ATXN1: variants seen among roughly 807,000 people sequenced by gnomAD.
ATXN1 encodes ataxin-1.
Under a neutral mutation model 56.4 loss-of-function variants are expected in ATXN1, and 8 were observed. The ratio of observed to expected loss-of-function variants is 0.14; its 90% CI spans 0.08 to 0.26. The LOEUF is 0.26. ATXN1 is among the 10% of genes least tolerant of loss of function. The probability of loss-of-function intolerance (pLI) is 1.00; values close to 1 mark genes in which losing one functional copy is unlikely to be tolerated. For synonymous variants in ATXN1, 514 were observed against 494.6 expected, an observed-to-expected ratio of 1.04 and a Z score of -0.52; for missense variants, 987 against 1,106.5, an observed-to-expected ratio of 0.89 and a Z score of 1.53.
chr6:16,347,926 A>AT (rs1311992429), intron 6 of ATXN1, among the ~76,000 whole-genome samples: 1 of 152,104 alleles, frequency 6.6e-6, no homozygotes, highest in African/African-American at 2.4e-5. Context: ...CACTCTTTGG[A>AT]TCTATACTGC....
At chr6:16,428,497 C>A (rs2113577105) in intron 6 of ATXN1, among the ~76,000 whole-genome samples, 2 of 145,816 alleles carry the variant, frequency 1.4e-5, no homozygotes, top group African/African-American at 2.5e-5. Context: ...ATGGCAAAAT[C>A]ACAATTACTT....
chr6:16,392,211 T>C lies in ATXN1; in HGVS notation c.-160-63741A>G, dbSNP rs114234613. Reference sequence around the variant, plus strand: ...AGATGGCTGCTGTCAGGCTGTTTAATTTGGAGGAAATTCCAATGTCATCAG... The same window carrying C: ...AGATGGCTGCTGTCAGGCTGTTTAACTTGGAGGAAATTCCAATGTCATCAG... On this transcript the variant is annotated intron_variant, in intron 6 of 7. Coordinates refer to ENST00000436367, the MANE Select transcript of ATXN1 (RefSeq NM_001128164.2). 3.5e-3 allele frequency among the ~76,000 whole-genome samples: 532 copies of C among 152,328 alleles called. 1 individual carries two copies. The highest frequency in any genetic ancestry group is 0.024 in the Middle Eastern group (7 of 294).
intron 2 of ATXN1, among the ~76,000 whole-genome samples, chr6:16,723,793 A>T (rs1581395065): frequency 1.3e-5 from 1 of 78,890 alleles, no homozygotes; most frequent in Admixed American, 1.2e-4. Flanking sequence ...AAAAGCCATT[A>T]AAAAAATAGC....
chr6:16,353,443 G>A (rs1198349322), intron 6 of ATXN1, among the ~76,000 whole-genome samples: 2 of 152,170 alleles, frequency 1.3e-5, no homozygotes, highest in Admixed American at 6.5e-5. Context: ...GGGAGGCTGA[G>A]GTGGGCGGAT....
intron 6 of ATXN1, among the ~76,000 whole-genome samples, chr6:16,404,697 C>T (rs551708063): frequency 7.6e-6 from 1 of 131,984 alleles, no homozygotes; most frequent in Non-Finnish European, 1.5e-5. Context: ...CGCGCACTCG[C>T]GCGCGCGCAC....
chr6:16,628,339 A>T (rs982205295), intron 3 of ATXN1, among the ~76,000 whole-genome samples: 5 of 152,172 alleles, frequency 3.3e-5, no homozygotes, highest in Admixed American at 6.5e-5. Flanking sequence ...TGCCCTCATC[A>T]AAATCCCCGT....
At chr6:16,379,065 G>T (rs1031858093) in intron 6 of ATXN1, among the ~76,000 whole-genome samples, 2 of 152,188 alleles carry the variant, frequency 1.3e-5, no homozygotes, top group Non-Finnish European at 2.9e-5. Context: ...ATATATGATG[G>T]AATACTACTC....
chr6:16,637,240 G>T (rs1024054403), intron 3 of ATXN1, among the ~76,000 whole-genome samples: 1 of 151,074 alleles, frequency 6.6e-6, no homozygotes, highest in Admixed American at 6.6e-5. Context: ...GCAAATTATC[G>T]CAAGGACAAA....
chr6:16,327,737 C>T lies in ATXN1; in HGVS notation c.574G>A (p.Gly192Arg). The change falls in exon 7 of 8, where the codon GGA (glycine) becomes AGA (arginine). Residue 192 changes from glycine to arginine, a missense_variant. Gly to Arg is a moderately radical substitution (Grantham distance 125). Coordinates refer to ENST00000436367, the MANE Select transcript of ATXN1 (RefSeq NM_001128164.2). ...TGCTGCTGCTGCTCAGCCTTGTGTC[C>T]CGGCGTCTGGCTCAGACTGCCCATG... ...ANMGSLSQTP[G>R]HKAEQQQQQQ... 1.9e-6 allele frequency: 3 copies of T among 1,598,394 alleles called. No homozygotes were observed. Among genetic ancestry groups the T allele is most frequent in the Non-Finnish European group, 1.7e-6 (2 of 1,174,710 alleles).
intron 6 of ATXN1, among the ~76,000 whole-genome samples, chr6:16,346,910 C>T (rs1045715967): frequency 2.0e-4 from 30 of 152,346 alleles, no homozygotes; most frequent in African/African-American, 7.0e-4. Flanking sequence ...ACCCGGGCTG[C>T]GCGCGTTGCT....
intron 5 of ATXN1, among the ~76,000 whole-genome samples, chr6:16,491,258 A>AATGATTATTATT (rs1554110284): frequency 1.1e-4 from 12 of 107,458 alleles, no homozygotes; most frequent in Non-Finnish European, 2.0e-4. Flanking sequence ...ACACCTGGCT[A>AATGATTATTATT]ATTATTATTA....
chr6:16,647,907 C>G (rs899157894), intron 3 of ATXN1, among the ~76,000 whole-genome samples: 8 of 152,066 alleles, frequency 5.3e-5, no homozygotes, highest in African/African-American at 1.9e-4. Flanking sequence ...GAGACCCCCT[C>G]TCTACTAAAA....
At chr6:16,508,575 C>T (rs1761022761) in intron 5 of ATXN1, among the ~76,000 whole-genome samples, 1 of 152,210 alleles carries the variant, frequency 6.6e-6, no homozygotes, top group African/African-American at 2.4e-5. Context: ...AACCTCCAAC[C>T]TATTAGGATG....
rs184592553 is a variant in ATXN1, at chr6:16,566,703, A to C, written c.-361+19077T>G. Among the ~76,000 whole-genome samples, 778 of 152,160 alleles carry C rather than the reference A, an allele frequency of 5.1e-3. 6 individuals carry two copies. Among genetic ancestry groups the C allele is most frequent in the South Asian group, 0.021 (102 of 4,814 alleles). Reference sequence around the variant, plus strand: ...CCCGTCTCTACTAAAAATACAAAAAAAAATTAGCCGGGCATGGTGGTGGGT... The same window carrying C: ...CCCGTCTCTACTAAAAATACAAAAACAAATTAGCCGGGCATGGTGGTGGGT... On this transcript the variant is annotated intron_variant, in intron 4 of 7. Coordinates refer to ENST00000436367, the MANE Select transcript of ATXN1 (RefSeq NM_001128164.2).
chr6:16,395,270 C>CAAAAAAAAAAAAAAAAAAA (rs748314030), intron 6 of ATXN1, among the ~76,000 whole-genome samples: 41 of 48,408 alleles, frequency 8.5e-4, no homozygotes, highest in African/African-American at 1.3e-3. Context: ...AACTCCGTCT[C>CAAAAAAAAAAAAAAAAAAA]AAAAAAAAAA....
intron 3 of ATXN1, among the ~76,000 whole-genome samples, chr6:16,610,752 A>G (rs1763089976): frequency 6.6e-6 from 1 of 152,068 alleles, no homozygotes; most frequent in Non-Finnish European, 1.5e-5. Context: ...GGCCCAGCAC[A>G]GGGGCTCATC....
At chr6:16,348,337 T>C (rs1205944230) in intron 6 of ATXN1, among the ~76,000 whole-genome samples, 2 of 152,172 alleles carry the variant, frequency 1.3e-5, no homozygotes, top group African/African-American at 4.8e-5. Context: ...AGTGTTAGAA[T>C]TACAGATATG....
intron 6 of ATXN1, among the ~76,000 whole-genome samples, chr6:16,398,537 C>T (rs188265515): frequency 6.6e-6 from 1 of 152,244 alleles, no homozygotes; most frequent in East Asian, 1.9e-4. Context: ...TACACATATA[C>T]ACGTATATAT....
At chr6:16,657,382 G>A (rs1423803404) in intron 3 of ATXN1, among the ~76,000 whole-genome samples, 7 of 152,120 alleles carry the variant, frequency 4.6e-5, no homozygotes, top group African/African-American at 7.2e-5. Context: ...ATCACAAGAC[G>A]CAAAAAACTT....
Sources: allele counts gnomAD v4.1 joint callset (sites outside exome capture counted in the v4.1 genomes callset), GRCh38; gene constraint gnomAD v4.1.1; transcripts MANE v1.5; gene names NCBI Gene and HGNC (gene_info 2026-07-23, HGNC 2026-07-21).